Variants in SLC13A1 observed in about 807,000 individuals in gnomAD.
SLC13A1 encodes solute carrier family 13 member 1, also known as Na(+)/sulfate cotransporter.
A neutral mutation model predicts 70.0 loss-of-function variants in SLC13A1; 65 were observed. The ratio of observed to expected loss-of-function variants is 0.93; its 90% confidence interval spans 0.76 to 1.14. SLC13A1 has a LOEUF of 1.14. SLC13A1 is among the 50% of genes most tolerant of loss of function. SLC13A1 has a pLI of 0.00. For synonymous variants in SLC13A1, 275 were observed against 250.5 expected (o/e 1.10, Z -0.92); for missense variants, 726 against 717.8 (o/e 1.01, Z -0.13).
intron 7 of SLC13A1, among the ~76,000 whole-genome samples, chr7:123,140,772 C>G (rs1355269097): frequency 1.3e-5 from 2 of 152,034 alleles, no homozygotes; most frequent in African/African-American, 4.8e-5. Context: ...GCTATAATTA[C>G]TCCTTTTTCA....
intron 10 of SLC13A1, among the ~76,000 whole-genome samples, chr7:123,127,036 T>C (rs1485441488): frequency 6.6e-6 from 1 of 152,154 alleles, no homozygotes; most frequent in African/African-American, 2.4e-5. Flanking sequence ...GCATAAATAC[T>C]GAAATAATTT....
rs1028189271 is a variant in SLC13A1 at position 123,169,281 on chromosome 7, G to T, written c.420C>A (p.Asn140Lys). ...STAFLSMWLS[N>K]TSTAAMVMPI... is the part of the protein sequence containing the mutation. ...GCATCACCATGGCAGCCGTCGAGGT[G>T]TTGCTGAGCCACATAGACAAAAAGG... The change falls in exon 4 of 15, where the codon AAC becomes AAA. Residue 140 changes from asparagine to lysine, a missense_variant. Physicochemically the swap from Asn to Lys is moderately conservative, Grantham distance 94 (BLOSUM62 0). Transcript: ENST00000194130. 1.2e-6 allele frequency: 2 copies of T among 1,613,820 alleles called. No individual in the cohort carries two copies. The highest frequency in any genetic ancestry group is 1.7e-6 in the Non-Finnish European group (2 of 1,179,992).
chr7:123,143,087 A>G (rs1284463360), intron 7 of SLC13A1, among the ~76,000 whole-genome samples: 1 of 152,062 alleles, frequency 6.6e-6, no homozygotes, highest in Non-Finnish European at 1.5e-5. Flanking sequence ...GGTATCCAAG[A>G]TGCAAGACAA....
Position 123,115,652 on chromosome 7 carries a change from T to A in SLC13A1, c.1654A>T (p.Lys552Ter). ...YGHLKVIDMV[K>*]AGLGVNIVGV... The stretch of plus-strand genomic sequence containing the variant: ...ACAATGTTGACACCAAGTCCAGCTT[T>A]AACCTTGAACAGGAAAGAGCATAAA... Residue 552 changes from lysine (K) to a stop codon, truncating the protein, a stop_gained, in exon 15 of 15, where the codon AAA (lysine) becomes TAA (stop). Transcript: ENST00000194130. LOFTEE classifies it high-confidence loss of function. The A allele has an allele frequency of 6.2e-7, 1 of 1,613,714 alleles. No homozygotes were observed. The highest frequency in any genetic ancestry group is 2.2e-5 in the East Asian group (1 of 44,862).
chr7:123,172,801 T>A (rs1028861754), intron 2 of SLC13A1, among the ~76,000 whole-genome samples: 3 of 152,048 alleles, frequency 2.0e-5, no homozygotes, highest in Non-Finnish European at 4.4e-5. Context: ...TCTTTTTTTT[T>A]AAAAGGGTTG....
At chr7:123,140,377 A>T (rs1172547982) in intron 7 of SLC13A1, among the ~76,000 whole-genome samples, 1 of 151,898 alleles carries the variant, frequency 6.6e-6, no homozygotes, top group South Asian at 2.1e-4. Context: ...TTCATAAGGG[A>T]TATTTCTCTG....
At position 123,147,349 on chromosome 7, in the gene SLC13A1, C is replaced by T. The variant is rs748145948; in HGVS notation, c.661-39G>A. 6 of 1,603,910 alleles carry T rather than the reference C, an allele frequency of 3.7e-6. No homozygotes were observed. The South Asian group carries it at 4.5e-5, about 12-fold the overall frequency. On this transcript the variant is annotated intron_variant, in intron 6 of 14. Transcript: ENST00000194130. ...ACAAAAAACTACCATGAGAACTGCT[C>T]TATATTTGTTATGGACTGAATATTT...
intron 7 of SLC13A1, 87 bp downstream of exon 7, chr7:123,147,072 C>T: frequency 7.4e-7 from 1 of 1,359,120 alleles, no homozygotes; most frequent in East Asian, 2.4e-5. Flanking sequence ...CATCTCTGTA[C>T]TTGAATTCTC....
intron 6 of SLC13A1, among the ~76,000 whole-genome samples, chr7:123,162,421 A>G (rs905986251): frequency 3.9e-5 from 6 of 152,098 alleles, no homozygotes; most frequent in Admixed American, 3.9e-4. Context: ...TGATTCCTAA[A>G]GGGTGTATGG....
intron 7 of SLC13A1, among the ~76,000 whole-genome samples, chr7:123,135,352 A>C (rs1214309586): frequency 6.6e-6 from 1 of 152,180 alleles, no homozygotes; most frequent in Non-Finnish European, 1.5e-5. Flanking sequence ...ATAAATTCTT[A>C]TATAGTCATT....
At chr7:123,171,646 C>T (rs1027563939) in intron 3 of SLC13A1, 122 bp downstream of exon 3, 9 of 1,006,458 alleles carry the variant, frequency 8.9e-6, no homozygotes, top group African/African-American at 1.7e-5. Flanking sequence ...GAGGAAAAAA[C>T]GTCATAAGTC....
chr7:123,151,501 T>C (rs1413296512), intron 6 of SLC13A1, among the ~76,000 whole-genome samples: 2 of 152,124 alleles, frequency 1.3e-5, no homozygotes, highest in South Asian at 2.1e-4. Context: ...GGATCACTTA[T>C]ATAAGCTGAT....
intron 1 of SLC13A1, chr7:123,190,763 G>T (rs1344006234): frequency 5.1e-6 from 2 of 393,554 alleles, no homozygotes; most frequent in Non-Finnish European, 5.1e-6. Context: ...AGTTGCCCCT[G>T]GGGAAGCTGG....
At chr7:123,119,818 C>A (rs2116257120) in intron 12 of SLC13A1, among the ~76,000 whole-genome samples, 1 of 152,046 alleles carries the variant, frequency 6.6e-6, no homozygotes, top group African/African-American at 2.4e-5. Flanking sequence ...CCCCCACATT[C>A]ATATATTAAC....
intron 6 of SLC13A1, among the ~76,000 whole-genome samples, chr7:123,147,838 T>G (rs184266671): frequency 0.01 from 1,598 of 152,250 alleles, 27 homozygotes; most frequent in African/African-American, 0.036. Context: ...TCTTCATCCT[T>G]CTTTCTTGTC....
intron 1 of SLC13A1, among the ~76,000 whole-genome samples, chr7:123,191,884 A>ATG (rs1462999595): frequency 6.6e-6 from 1 of 152,230 alleles, no homozygotes; most frequent in African/African-American, 2.4e-5. Flanking sequence ...TTAAAGCAGT[A>ATG]CTTGGCATAG....
At chr7:123,116,722 G>C (rs1793192131) in intron 14 of SLC13A1, among the ~76,000 whole-genome samples, 1 of 152,126 alleles carries the variant, frequency 6.6e-6, no homozygotes, top group South Asian at 2.1e-4. Context: ...CAGGAGCTTA[G>C]GAACAGCAGT....
At chr7:123,116,268 T>C (rs1253801707) in intron 14 of SLC13A1, among the ~76,000 whole-genome samples, 1 of 152,220 alleles carries the variant, frequency 6.6e-6, no homozygotes, top group African/African-American at 2.4e-5. Context: ...AGTTGCTTTG[T>C]ATCTATTAAA....
At chr7:123,141,113 A>G (rs1794121706) in intron 7 of SLC13A1, among the ~76,000 whole-genome samples, 1 of 151,854 alleles carries the variant, frequency 6.6e-6, no homozygotes, top group Non-Finnish European at 1.5e-5. Flanking sequence ...TTGTGTTTCC[A>G]TTAACATCTG....
Sources: gnomAD v4.1 joint callset for allele counts (sites outside exome capture counted in the v4.1 genomes callset) on GRCh38, gnomAD v4.1.1 for gene constraint, MANE v1.5 for transcripts, NCBI Gene and HGNC (gene_info 2026-07-23, HGNC 2026-07-21) for gene names.